FRMPD4: variants seen among roughly 807,000 people sequenced by gnomAD.
The protein encoded by FRMPD4 is FERM and PDZ domain containing 4, also known as FERM and PDZ domain-containing protein 4.
Under a neutral mutation model 94.1 loss-of-function variants are expected in FRMPD4, and 22 were observed. The ratio of observed to expected loss-of-function variants is 0.23; its 90% CI spans 0.17 to 0.33. The LOEUF (loss-of-function observed/expected upper bound fraction) is 0.33, where lower values mean the gene tolerates loss of function less well. FRMPD4 is among the 10% of genes least tolerant of loss of function. The probability of loss-of-function intolerance (pLI) is 1.00; values close to 1 mark genes in which losing one functional copy is unlikely to be tolerated. For synonymous variants in FRMPD4, 631 were observed against 548.6 expected, an observed-to-expected ratio of 1.15 and a Z score of -2.10; for missense variants, 1,111 against 1,339.9, an observed-to-expected ratio of 0.83 and a Z score of 2.67.
chrX:12,131,838 C>T (rs1485157027), intron 3 of FRMPD4, among the ~76,000 whole-genome samples: 1 of 112,086 alleles, frequency 8.9e-6, no homozygotes, highest in Non-Finnish European at 1.9e-5. Flanking sequence ...ATAATAATAA[C>T]TTTTTTCTCT....
intron 1 of FRMPD4, among the ~76,000 whole-genome samples, chrX:12,434,119 AT>A (rs1487106345): frequency 8.9e-6 from 1 of 111,893 alleles, no homozygotes; most frequent in East Asian, 2.8e-4. Context: ...GCTCTACATG[AT>A]ATGACTTTTT....
At chrX:12,533,551 G>T (rs141442407) in intron 2 of FRMPD4, among the ~76,000 whole-genome samples, 1,545 of 111,943 alleles carry the variant, frequency 0.014, 28 homozygotes, top group African/African-American at 0.048. Flanking sequence ...GAATGGCTTT[G>T]ACCAAAATGC....
chrX:12,139,094 G>A (rs1173879999), intron 1 of FRMPD4, 82 bp downstream of exon 1: 5 of 853,403 alleles, frequency 5.9e-6, no homozygotes, highest in Non-Finnish European at 8.0e-6. Flanking sequence ...AGGCTGGGTA[G>A]AGGCAAAAGC....
At chrX:12,579,284 C>T (rs1051139346) in intron 2 of FRMPD4, among the ~76,000 whole-genome samples, 11 of 112,519 alleles carry the variant, frequency 9.8e-5, no homozygotes, top group Admixed American at 5.6e-4. Context: ...TATAATACAA[C>T]TATTGTCTCA....
chrX:12,421,081 C>CA (rs202164988), intron 1 of FRMPD4, among the ~76,000 whole-genome samples: 2,540 of 111,891 alleles, frequency 0.023, 73 homozygotes, highest in African/African-American at 0.079. Flanking sequence ...CTACTGCCTG[C>CA]ATGAAAGACT....
chrX:11,918,994 A>T (rs1386001164), intron 3 of FRMPD4, among the ~76,000 whole-genome samples: 1 of 112,068 alleles, frequency 8.9e-6, no homozygotes, highest in Non-Finnish European at 1.9e-5. Context: ...TCTCCCAGTG[A>T]CCTGTCTTTT....
chrX:11,833,493 C>T (rs983389880), intron 1 of FRMPD4, among the ~76,000 whole-genome samples: 7 of 112,047 alleles, frequency 6.2e-5, no homozygotes, highest in African/African-American at 1.9e-4. Flanking sequence ...GCTCCCCCAT[C>T]GTCACCAGTA....
At chrX:12,481,392 C>G (rs137973625) in intron 1 of FRMPD4, among the ~76,000 whole-genome samples, 16 of 111,252 alleles carry the variant, frequency 1.4e-4, no homozygotes, top group African/African-American at 5.2e-4. Context: ...TCAGACCCAC[C>G]CTGTAAAACA....
chrX:12,021,575 T>A (rs947752622), intron 3 of FRMPD4, among the ~76,000 whole-genome samples: 2 of 111,708 alleles, frequency 1.8e-5, no homozygotes, highest in Non-Finnish European at 3.8e-5. Context: ...AAGCACAGGT[T>A]CTATTAGGAA....
At chrX:12,326,758 A>T (rs1007905410) in intron 1 of FRMPD4, among the ~76,000 whole-genome samples, 11 of 111,168 alleles carry the variant, frequency 9.9e-5, no homozygotes, top group African/African-American at 3.6e-4. Context: ...TGAGCCCAGG[A>T]GTTTGAGACC....
At chrX:12,535,416 G>T (rs1028441723) in intron 2 of FRMPD4, among the ~76,000 whole-genome samples, 1 of 111,883 alleles carries the variant, frequency 8.9e-6, no homozygotes, top group Non-Finnish European at 1.9e-5. Context: ...ATCCAGATTT[G>T]AATCTTTTTG....
chrX:12,466,015 T>G (rs2057445601), intron 1 of FRMPD4, among the ~76,000 whole-genome samples: 1 of 111,199 alleles, frequency 9.0e-6, no homozygotes, highest in Non-Finnish European at 1.9e-5. Context: ...TACAGCTGAG[T>G]TTTCTTTCTA....
Position 12,144,563 on chromosome X carries a change from T to G in FRMPD4, c.41+5551T>G, listed in dbSNP as rs1455893354. On this transcript the variant is annotated intron_variant, in intron 1 of 16. Coordinates refer to ENST00000675598, the MANE Select transcript of FRMPD4 (RefSeq NM_001368397.1). ...AAGATAAATAGTCTATACTAAATAA[T>G]TAGTGAGTGAAGTCATATACAATTC... Among the ~76,000 whole-genome samples, 7 of 110,311 alleles carry G rather than the reference T, an allele frequency of 6.3e-5. No homozygotes were observed. The East Asian group carries it at 2.0e-3, about 31-fold the overall frequency.
chrX:12,032,822 A>G (rs1050611455), intron 3 of FRMPD4, among the ~76,000 whole-genome samples: 8 of 112,391 alleles, frequency 7.1e-5, no homozygotes, highest in Non-Finnish European at 1.1e-4. Flanking sequence ...ATCTGAAAAT[A>G]AGTACTTGCC....
rs746601138 is a variant in FRMPD4, at chrX:12,706,923, C to CTTTTTTTTTTTT, written c.1287+15_1287+26dup. On this transcript the variant is annotated intron_variant, in intron 12 of 16. Coordinates refer to ENST00000675598, the MANE Select transcript of FRMPD4 (RefSeq NM_001368397.1). ...TTCAAGGCAACATTAGTGGTAATTTCTTTTTTTTTTTTTTTTTTGCTTTCT... is the reference window on the plus strand; with the variant it reads ...TTCAAGGCAACATTAGTGGTAATTTCTTTTTTTTTTTTTTTTTTTTTTTTTTTTTTGCTTTCT... The CTTTTTTTTTTTT allele has an allele frequency of 9.8e-6, 6 of 609,238 alleles. No homozygotes were observed. Among genetic ancestry groups the CTTTTTTTTTTTT allele is most frequent in the Admixed American group, 3.8e-5 (1 of 26,521 alleles). The allele number at this position is 609,238 out of a possible 1,213,427, so 50.2% of individuals were successfully genotyped here.
chrX:12,477,291 A>T (rs1053202044), intron 1 of FRMPD4, among the ~76,000 whole-genome samples: 1 of 109,944 alleles, frequency 9.1e-6, no homozygotes, highest in Non-Finnish European at 1.9e-5. Context: ...AACATCACAC[A>T]CCGGGGCCTG....
chrX:12,506,583 G>A (rs776130953), intron 2 of FRMPD4, among the ~76,000 whole-genome samples: 7 of 112,169 alleles, frequency 6.2e-5, no homozygotes, highest in Non-Finnish European at 1.1e-4. Context: ...CACTGTACCC[G>A]GCCTATTTAA....
chrX:12,355,564 AAT>A (rs759063332), intron 1 of FRMPD4, among the ~76,000 whole-genome samples: 1 of 112,138 alleles, frequency 8.9e-6, no homozygotes, highest in South Asian at 3.7e-4. Context: ...AAGTGTAGTA[AAT>A]GACAAATGTT....
At chrX:12,578,745 A>C (rs1188037587) in intron 2 of FRMPD4, among the ~76,000 whole-genome samples, 1 of 111,902 alleles carries the variant, frequency 8.9e-6, no homozygotes, top group African/African-American at 3.3e-5. Flanking sequence ...TGTGCTTTAC[A>C]TATAGAAAGA....
Sources: allele counts gnomAD v4.1 joint callset (sites outside exome capture counted in the v4.1 genomes callset), GRCh38; gene constraint gnomAD v4.1.1; transcripts MANE v1.5; gene names NCBI Gene and HGNC (gene_info 2026-07-23, HGNC 2026-07-21).